Variants in MCM5 observed in about 807,000 individuals in gnomAD.
The protein encoded by MCM5 is DNA replication licensing factor MCM5.
A neutral mutation model predicts 79.9 loss-of-function variants in MCM5; 46 were observed. That is an observed-to-expected ratio of 0.58 (90% CI 0.45 to 0.74). The LOEUF is 0.74. Ranked by LOEUF, MCM5 falls within the 30% of genes least tolerant of loss-of-function variation. The pLI, the probability that MCM5 is intolerant of heterozygous loss-of-function variation, is 0.00. For missense variants in MCM5, 883 were observed against 1,017.0 expected, an observed-to-expected ratio of 0.87 and a Z score of 1.79; for synonymous variants, 404 against 390.5, an observed-to-expected ratio of 1.03 and a Z score of -0.41.
chr22:35,442,323 C>T, the MCM5 span, among the ~76,000 whole-genome samples: 1 of 151,134 alleles, frequency 6.6e-6, no homozygotes, highest in African/African-American at 2.4e-5. Context: ...AGGGGGCCGA[C>T]ATCCATGGAT....
chr22:35,421,611 C>T (rs1932698197), intron 15 of MCM5, 151 bp downstream of exon 15: 3 of 982,202 alleles, frequency 3.1e-6, no homozygotes, highest in Non-Finnish European at 4.8e-6. Flanking sequence ...TGCCATAAGA[C>T]CCCTCTCCTC....
intron 2 of MCM5, chr22:35,401,396 C>CT: frequency 4.2e-6 from 2 of 471,394 alleles, no homozygotes; most frequent in South Asian, 3.1e-5. Flanking sequence ...GATTGAGCAC[C>CT]TGCTGCCTGC....
chr22:35,452,050 T>C, the MCM5 span, among the ~76,000 whole-genome samples: 30,494 of 152,058 alleles, frequency 0.2, 3,456 homozygotes, highest in African/African-American at 0.31. Flanking sequence ...CTGCCCTTTT[T>C]TCTTCCCTCT....
intron 4 of MCM5, among the ~76,000 whole-genome samples, chr22:35,405,362 A>C (rs1932181125): frequency 6.6e-6 from 1 of 151,490 alleles, no homozygotes; most frequent in Non-Finnish European, 1.5e-5. Context: ...ATGTATCTCT[A>C]AAAGATGAAT....
At chr22:35,453,673 C>T in the MCM5 span, among the ~76,000 whole-genome samples, 1 of 150,246 alleles carries the variant, frequency 6.7e-6, no homozygotes, top group Non-Finnish European at 1.5e-5. Flanking sequence ...GGCAGAGCAT[C>T]AGAGACAGAA....
chr22:35,417,917 A>T, intron 13 of MCM5, 61 bp downstream of exon 13: 3 of 1,176,766 alleles, frequency 2.5e-6, no homozygotes, highest in Non-Finnish European at 3.8e-6. Context: ...GTGGGAGAGA[A>T]CCCAGTCCCC....
intron 14 of MCM5, among the ~76,000 whole-genome samples, chr22:35,421,115 G>A (rs184218093): frequency 3.7e-5 from 5 of 133,430 alleles, no homozygotes; most frequent in Non-Finnish European, 1.6e-5. Context: ...TCCACAGAGC[G>A]AGACTTTGTC....
At position 35,421,480 on chromosome 22, in the gene MCM5, A is replaced by G. The variant is rs1026263766; in HGVS notation, c.1975+20A>G. On this transcript the variant is annotated intron_variant, in intron 15 of 16. Coordinates refer to ENST00000216122, the MANE Select transcript of MCM5 (RefSeq NM_006739.4). The stretch of plus-strand genomic sequence containing the variant: ...TGTCAGGTGAGCAGATGCAGGGGCC[A>G]TGGTCTCAATTGATCTGGGTTCCCT... 5.0e-6 allele frequency: 8 copies of G among 1,613,760 alleles called. No individual in the cohort carries two copies. In the Admixed American group the frequency reaches 8.3e-5, roughly 17 times the overall value.
intron 12 of MCM5, 87 bp downstream of exon 12, chr22:35,416,901 C>T (rs1344448349): frequency 2.0e-6 from 3 of 1,468,512 alleles, no homozygotes; most frequent in Non-Finnish European, 2.8e-6. Context: ...AGAACAAGGG[C>T]CTTGGCTGGC....
At chr22:35,437,184 G>A in the MCM5 span, among the ~76,000 whole-genome samples, 3 of 151,980 alleles carry the variant, frequency 2.0e-5, no homozygotes, top group African/African-American at 4.8e-5. Flanking sequence ...CTTAGGCCTA[G>A]GGAATGGGCA....
chr22:35,406,534 C>T lies in MCM5; in HGVS notation c.424-19C>T, dbSNP rs1431133518. The T allele has an allele frequency of 6.2e-6, 10 of 1,604,074 alleles. No homozygotes were observed. The highest frequency in any genetic ancestry group is 2.2e-5 in the East Asian group (1 of 44,668). On this transcript the variant is annotated intron_variant, in intron 4 of 16. Transcript: ENST00000216122. Reference sequence around the variant, plus strand: ...CTGGCTCCCCTTAACCAACAAGCTTCCCGATGGCTCTATTACAGTCGGACA... The same window carrying T: ...CTGGCTCCCCTTAACCAACAAGCTTTCCGATGGCTCTATTACAGTCGGACA...
At chr22:35,408,741 T>C (rs1601755037) in intron 6 of MCM5, among the ~76,000 whole-genome samples, 178 bp downstream of exon 6, 1 of 152,224 alleles carries the variant, frequency 6.6e-6, no homozygotes, top group Admixed American at 6.5e-5. Flanking sequence ...ATCTCGTCTT[T>C]CCATAATCTG....
intron 13 of MCM5, among the ~76,000 whole-genome samples, chr22:35,419,528 C>T (rs542353689): frequency 2.0e-5 from 3 of 152,194 alleles, no homozygotes; most frequent in Non-Finnish European, 1.5e-5. Context: ...GCCTCCATGC[C>T]GCTGTGATTG....
In MCM5 at chr22:35,419,104, G is replaced by A. The variant is rs567356623; in HGVS notation, c.1704-780G>A. Among the ~76,000 whole-genome samples, 22 of 152,270 alleles carry A rather than the reference G, an allele frequency of 1.4e-4. No homozygotes were observed. The South Asian group carries it at 4.6e-3, about 32-fold the overall frequency. On this transcript the variant is annotated intron_variant, in intron 13 of 16. Coordinates refer to ENST00000216122, the MANE Select transcript of MCM5 (RefSeq NM_006739.4). The stretch of plus-strand genomic sequence containing the variant: ...TGCCAGGGTGAGTGGGTAGTCCCTG[G>A]GTCTTCATCCAAGTCTGAGCTCTGT...
In MCM5 at chr22:35,408,423, C is replaced by T. The variant is rs976448973; in HGVS notation, c.612C>T (p.Arg204=). ...PRKCNTDQAG[R]PKCPLDPYFI... ...CCTTGTACAGAGATCAGGCTGGGCG[C>T]CCCAAATGCCCATTGGACCCGTACT... Residue 204 remains arginine (R), a synonymous_variant, in exon 6 of 17, where the codon CGC becomes CGT. Coordinates refer to ENST00000216122, the MANE Select transcript of MCM5 (RefSeq NM_006739.4). 3.7e-6 allele frequency: 6 copies of T among 1,613,910 alleles called. No individual in the cohort carries two copies. Among genetic ancestry groups the T allele is most frequent in the African/African-American group, 1.3e-5 (1 of 74,938 alleles).
At chr22:35,443,607 G>A in the MCM5 span, among the ~76,000 whole-genome samples, 7 of 152,326 alleles carry the variant, frequency 4.6e-5, no homozygotes, top group South Asian at 1.0e-3. Context: ...CCCTTGGGCT[G>A]TGCCTTCTGC....
chr22:35,450,678 G>A, the MCM5 span, among the ~76,000 whole-genome samples: 1 of 152,116 alleles, frequency 6.6e-6, no homozygotes, highest in African/African-American at 2.4e-5. Context: ...CCAACAACCC[G>A]GTCCCCACGG....
intron 13 of MCM5, among the ~76,000 whole-genome samples, chr22:35,418,722 C>T (rs950243993): frequency 2.0e-5 from 3 of 151,944 alleles, no homozygotes; most frequent in Non-Finnish European, 4.4e-5. Context: ...CACTCTTACA[C>T]ACTACTTTCT....
the MCM5 span, among the ~76,000 whole-genome samples, chr22:35,451,506 T>C: frequency 6.6e-6 from 1 of 152,300 alleles, no homozygotes; most frequent in East Asian, 1.9e-4. Flanking sequence ...TCTCCAGAGT[T>C]CTCTGACTCA....
Sources: allele counts gnomAD v4.1 joint callset (sites outside exome capture counted in the v4.1 genomes callset), GRCh38; gene constraint gnomAD v4.1.1; transcripts MANE v1.5; gene names NCBI Gene and HGNC (gene_info 2026-07-23, HGNC 2026-07-21).